The following LSAMP variants were observed in gnomAD, a reference collection of about 807,000 sequenced individuals.
LSAMP encodes limbic system associated membrane protein, also known as limbic system-associated membrane protein.
In LSAMP, 7 loss-of-function variants were observed where a neutral mutation model predicts 38.6. The ratio of observed to expected loss-of-function variants is 0.18; its 90% CI spans 0.10 to 0.34. The LOEUF (loss-of-function observed/expected upper bound fraction) is 0.34, where lower values mean the gene tolerates loss of function less well. LSAMP is among the 10% of genes least tolerant of loss of function. The pLI is 1.00. For missense variants in LSAMP, 313 were observed against 420.0 expected (o/e 0.75, Z 2.23); for synonymous variants, 154 against 166.8 (o/e 0.92, Z 0.59).
At chr3:115,935,746 A>T (rs189355827) in intron 3 of LSAMP, among the ~76,000 whole-genome samples, 10 of 152,232 alleles carry the variant, frequency 6.6e-5, no homozygotes, top group Non-Finnish European at 1.3e-4. Context: ...AGAGACAAAA[A>T]TTTTTCACAT....
chr3:116,046,113 T>C (rs1234395290), intron 2 of LSAMP, among the ~76,000 whole-genome samples: 2 of 152,212 alleles, frequency 1.3e-5, no homozygotes, highest in Non-Finnish European at 2.9e-5. Context: ...ATTGTTGCCT[T>C]TCTCTAATAA....
chr3:115,884,494 C>G (rs1936400990), intron 3 of LSAMP, among the ~76,000 whole-genome samples: 2 of 151,930 alleles, frequency 1.3e-5, no homozygotes, highest in Non-Finnish European at 2.9e-5. Context: ...GAAATTAATG[C>G]TGTTGGATTG....
In LSAMP at chr3:116,292,344, T is replaced by A. The variant is rs183517307; in HGVS notation, c.155+152533A>T. On this transcript the variant is annotated intron_variant, in intron 1 of 6. Transcript: ENST00000490035. ...ATTCCAGCCATAACTTCTCAAATGG[T>A]GATTTCAGGACAAAAACTGTGTGGA... Among the ~76,000 whole-genome samples, 476 of 152,132 alleles carry A rather than the reference T, an allele frequency of 3.1e-3. 6 individuals carry two copies. The highest frequency in any genetic ancestry group is 1.0e-3 in the Non-Finnish European group (68 of 68,010).
intron 1 of LSAMP, among the ~76,000 whole-genome samples, chr3:116,405,531 A>C (rs1017617360): frequency 1.3e-5 from 2 of 152,106 alleles, no homozygotes; most frequent in Non-Finnish European, 2.9e-5. Context: ...ATAAATAGTT[A>C]AAGAGGAGAT....
rs368608479 is a variant in LSAMP at position 116,003,278 on chromosome 3, G to A, written c.514+16237C>T. Among the ~76,000 whole-genome samples, 6 of 152,246 alleles carry A rather than the reference G, an allele frequency of 3.9e-5. 1 individual carries two copies. The highest frequency in any genetic ancestry group is 1.2e-4 in the African/African-American group (5 of 41,554). ...ATTGTATCCTTTTACATTGCGTTAC[G>A]TATTTCCTCTGTTTATCTAATACCT... On this transcript the variant is annotated intron_variant, in intron 3 of 6. Coordinates refer to ENST00000490035, the MANE Select transcript of LSAMP (RefSeq NM_002338.5).
At chr3:116,159,562 C>A (rs62269186) in intron 1 of LSAMP, among the ~76,000 whole-genome samples, 10,151 of 152,054 alleles carry the variant, frequency 0.067, 397 homozygotes, top group Middle Eastern at 0.16. Flanking sequence ...ATATCTCACA[C>A]CAGTCAGAAT....
intron 6 of LSAMP, among the ~76,000 whole-genome samples, chr3:115,811,752 A>G (rs549058168): frequency 6.6e-6 from 1 of 152,352 alleles, no homozygotes; most frequent in African/African-American, 2.4e-5. Context: ...AACAACAACA[A>G]TAAGAACGAA....
At chr3:116,048,944 T>C (rs1223061824) in intron 2 of LSAMP, among the ~76,000 whole-genome samples, 3 of 152,188 alleles carry the variant, frequency 2.0e-5, no homozygotes, top group Admixed American at 1.3e-4. Flanking sequence ...CAAGGACTCC[T>C]GGAGTTGAAG....
intron 6 of LSAMP, among the ~76,000 whole-genome samples, chr3:115,838,918 G>A (rs1002199327): frequency 8.5e-5 from 13 of 152,152 alleles, no homozygotes; most frequent in African/African-American, 2.9e-4. Context: ...ACTCTTCAGG[G>A]GCTCTGGCTC....
intron 2 of LSAMP, among the ~76,000 whole-genome samples, chr3:116,063,631 C>A (rs1941633372): frequency 6.6e-6 from 1 of 151,936 alleles, no homozygotes; most frequent in Admixed American, 6.6e-5. Flanking sequence ...AAAACTGTTC[C>A]AAGGCATTTA....
intron 3 of LSAMP, among the ~76,000 whole-genome samples, chr3:115,944,660 A>G (rs987721562): frequency 7.9e-5 from 12 of 152,206 alleles, no homozygotes; most frequent in African/African-American, 2.9e-4. Flanking sequence ...ATTAATTGCA[A>G]TTGCACTCTG....
At chr3:116,392,341 A>T (rs1408943267) in intron 1 of LSAMP, among the ~76,000 whole-genome samples, 2 of 152,156 alleles carry the variant, frequency 1.3e-5, no homozygotes, top group African/African-American at 4.8e-5. Flanking sequence ...GTCTGCTCCC[A>T]CTGCCTGGCT....
intron 1 of LSAMP, among the ~76,000 whole-genome samples, chr3:116,322,349 A>C (rs1349446874): frequency 6.6e-6 from 1 of 152,230 alleles, no homozygotes; most frequent in African/African-American, 2.4e-5. Context: ...GAGTCATTAC[A>C]TGAAAATAGG....
intron 6 of LSAMP, among the ~76,000 whole-genome samples, chr3:115,814,582 A>G (rs1933951352): frequency 6.6e-6 from 1 of 152,162 alleles, no homozygotes; most frequent in Non-Finnish European, 1.5e-5. Context: ...TGCTCCTCCT[A>G]GGAGCCCATT....
At chr3:116,428,413 G>A (rs2107867689) in intron 1 of LSAMP, among the ~76,000 whole-genome samples, 2 of 152,176 alleles carry the variant, frequency 1.3e-5, no homozygotes, top group Middle Eastern at 6.8e-3. Context: ...AGCTGAGATT[G>A]CACCACTACA....
intron 6 of LSAMP, among the ~76,000 whole-genome samples, chr3:115,817,568 G>A (rs1934072768): frequency 1.3e-5 from 2 of 152,146 alleles, no homozygotes; most frequent in Non-Finnish European, 2.9e-5. Flanking sequence ...GTCTTTAGAA[G>A]CAAATATGTA....
chr3:116,263,492 C>T (rs577869299), intron 1 of LSAMP, among the ~76,000 whole-genome samples: 99 of 150,642 alleles, frequency 6.6e-4, no homozygotes, highest in South Asian at 2.1e-4. Flanking sequence ...CAGCCAAGAT[C>T]GCGCCACTGC....
rs2107433800 is a variant in LSAMP, at chr3:115,803,842, GC to G, written c.*6474del. On this transcript the variant is annotated 3_prime_UTR_variant, in exon 7 of 7. Transcript: ENST00000490035. Reference sequence around the variant, plus strand: ...CCCATGCTTACCGCCATCAGCACAAGCAAAGAGTTTCCAAAGACACACATTT... The same window carrying G: ...CCCATGCTTACCGCCATCAGCACAAGAAAGAGTTTCCAAAGACACACATTT... The G allele has an allele frequency of 6.6e-6, 1 of 152,268 alleles. No homozygotes were observed. The highest frequency in any genetic ancestry group is 2.1e-4 in the South Asian group (1 of 4,832). 9.4% of individuals were successfully genotyped at this position (152,268 alleles called of 1,614,324 possible). A position where few individuals can be genotyped will look rare whatever the true frequency, so the allele number is the denominator to read the frequency against.
At chr3:115,921,887 A>G (rs1937391490) in intron 3 of LSAMP, among the ~76,000 whole-genome samples, 1 of 152,120 alleles carries the variant, frequency 6.6e-6, no homozygotes, top group Admixed American at 6.5e-5. Context: ...ACACTCTTCT[A>G]GCTTGCAAGG....
Sources: gnomAD v4.1 joint callset for allele counts (sites outside exome capture counted in the v4.1 genomes callset) on GRCh38, gnomAD v4.1.1 for gene constraint, MANE v1.5 for transcripts, NCBI Gene and HGNC (gene_info 2026-07-23, HGNC 2026-07-21) for gene names.